SLC24A2: variants seen among roughly 807,000 people sequenced by gnomAD.
SLC24A2 encodes solute carrier family 24 member 2, also known as sodium/potassium/calcium exchanger 2.
Under a neutral mutation model 62.0 loss-of-function variants are expected in SLC24A2, and 36 were observed. The ratio of observed to expected loss-of-function variants is 0.58; its 90% CI spans 0.44 to 0.77. The LOEUF (loss-of-function observed/expected upper bound fraction) is 0.77, where lower values mean the gene tolerates loss of function less well. SLC24A2 is among the 30% of genes least tolerant of loss of function. The pLI is 0.00. For missense variants in SLC24A2, 846 were observed against 817.9 expected, an observed-to-expected ratio of 1.03 and a Z score of -0.42; for synonymous variants, 358 against 294.0, an observed-to-expected ratio of 1.22 and a Z score of -2.23.
the SLC24A2 span, among the ~76,000 whole-genome samples, chr9:20,102,118 T>C: frequency 6.6e-6 from 1 of 152,050 alleles, no homozygotes; most frequent in African/African-American, 2.4e-5. Context: ...CAGATCAGAG[T>C]CCCTAGTTCT....
At chr9:20,158,325 A>G in the SLC24A2 span, among the ~76,000 whole-genome samples, 1 of 151,656 alleles carries the variant, frequency 6.6e-6, no homozygotes. Flanking sequence ...TTACAACATA[A>G]CCTCCAAGTT....
At chr9:19,784,776 G>A (rs183472898) in intron 2 of SLC24A2, among the ~76,000 whole-genome samples, 1 of 152,102 alleles carries the variant, frequency 6.6e-6, no homozygotes, top group Non-Finnish European at 1.5e-5. Context: ...AAGCATACGA[G>A]AGAAATGTTA....
At chr9:20,019,155 A>AGAGAG in the SLC24A2 span, among the ~76,000 whole-genome samples, 225 of 117,176 alleles carry the variant, frequency 1.9e-3, 6 homozygotes, top group Middle Eastern at 4.3e-3. Context: ...GAAAGAAAGA[A>AGAGAG]AGAGAGAGAG....
At chr9:19,603,579 C>T (rs2058946053) in intron 4 of SLC24A2, among the ~76,000 whole-genome samples, 2 of 152,064 alleles carry the variant, frequency 1.3e-5, no homozygotes, top group South Asian at 4.1e-4. Context: ...AGTCTAATTC[C>T]ACCCCTAAAT....
At chr9:20,048,151 A>G in the SLC24A2 span, among the ~76,000 whole-genome samples, 1 of 152,214 alleles carries the variant, frequency 6.6e-6, no homozygotes, top group Non-Finnish European at 1.5e-5. Context: ...AGTGTTTTAA[A>G]CAACTTGTTT....
intron 2 of SLC24A2, among the ~76,000 whole-genome samples, chr9:19,643,867 A>T (rs1395086655): frequency 6.6e-6 from 1 of 152,258 alleles, no homozygotes; most frequent in East Asian, 1.9e-4. Flanking sequence ...TTTAATCCAC[A>T]GATTCAATAG....
At chr9:19,807,325 C>T in the SLC24A2 span, among the ~76,000 whole-genome samples, 24 of 152,320 alleles carry the variant, frequency 1.6e-4, no homozygotes, top group African/African-American at 3.1e-4. Context: ...TATCTGAACA[C>T]GACATCATCT....
chr9:20,111,876 C>T, the SLC24A2 span, among the ~76,000 whole-genome samples: 3 of 152,134 alleles, frequency 2.0e-5, no homozygotes, highest in South Asian at 2.1e-4. Flanking sequence ...TGAAAATGTT[C>T]TTGTTTGGAA....
chr9:20,302,927 T>C, the SLC24A2 span, among the ~76,000 whole-genome samples: 3 of 152,216 alleles, frequency 2.0e-5, no homozygotes, highest in Admixed American at 6.5e-5. Flanking sequence ...TTGATAATTG[T>C]GCACTTTTTG....
the SLC24A2 span, among the ~76,000 whole-genome samples, chr9:20,208,697 G>A: frequency 6.6e-6 from 1 of 152,168 alleles, no homozygotes; most frequent in Non-Finnish European, 1.5e-5. Flanking sequence ...AGCTATGGTT[G>A]TTTCCAGAAC....
chr9:20,043,695 C>T, the SLC24A2 span, among the ~76,000 whole-genome samples: 388 of 152,292 alleles, frequency 2.5e-3, 3 homozygotes, highest in African/African-American at 8.9e-3. Context: ...CGAATGGCCA[C>T]AATCTCATGA....
At chr9:19,578,584 G>C (rs1057265436) in intron 5 of SLC24A2, among the ~76,000 whole-genome samples, 2 of 151,200 alleles carry the variant, frequency 1.3e-5, no homozygotes, top group African/African-American at 4.9e-5. Flanking sequence ...GTGTTCTCTA[G>C]CAGCATATTA....
At chr9:20,053,380 T>C in the SLC24A2 span, among the ~76,000 whole-genome samples, 1 of 152,178 alleles carries the variant, frequency 6.6e-6, no homozygotes, top group African/African-American at 2.4e-5. Flanking sequence ...GGGTAACTTT[T>C]TGTCCATTTT....
intron 7 of SLC24A2, among the ~76,000 whole-genome samples, chr9:19,565,244 G>C (rs1351525482): frequency 6.6e-6 from 1 of 151,608 alleles, no homozygotes; most frequent in Admixed American, 6.6e-5. Context: ...ATCTCCTTAA[G>C]CTGATAAGCA....
the SLC24A2 span, among the ~76,000 whole-genome samples, chr9:20,209,266 T>C: frequency 6.6e-6 from 1 of 152,224 alleles, no homozygotes; most frequent in African/African-American, 2.4e-5. Flanking sequence ...TTGATTAGCA[T>C]GTTAAGGACA....
the SLC24A2 span, among the ~76,000 whole-genome samples, chr9:19,912,476 G>C: frequency 6.6e-6 from 1 of 152,118 alleles, no homozygotes; most frequent in South Asian, 2.1e-4. Flanking sequence ...GTCAGGATTA[G>C]AACATGGGTT....
chr9:19,878,895 C>T, the SLC24A2 span, among the ~76,000 whole-genome samples: 2 of 152,008 alleles, frequency 1.3e-5, no homozygotes, highest in Non-Finnish European at 2.9e-5. Context: ...CAGAAAACCC[C>T]CAATTATGCC....
the SLC24A2 span, among the ~76,000 whole-genome samples, chr9:20,067,342 C>T: frequency 9.9e-5 from 15 of 152,270 alleles, no homozygotes; most frequent in South Asian, 4.1e-4. Flanking sequence ...GCCCTTAGGA[C>T]GATAAGAAGA....
At chr9:19,702,948 AAAT>A (rs144004429) in intron 2 of SLC24A2, among the ~76,000 whole-genome samples, 27,105 of 152,000 alleles carry the variant, frequency 0.18, 2,553 homozygotes, top group Middle Eastern at 0.24. Flanking sequence ...TGCAAATAAA[AAAT>A]AATAATTTTT....
Sources: allele counts gnomAD v4.1 joint callset (sites outside exome capture counted in the v4.1 genomes callset), GRCh38; gene constraint gnomAD v4.1.1; transcripts MANE v1.5; gene names NCBI Gene and HGNC (gene_info 2026-07-23, HGNC 2026-07-21).